The following KCTD16 variants were observed in gnomAD, a reference collection of about 807,000 sequenced individuals.
The protein encoded by KCTD16 is potassium channel tetramerization domain containing 16.
Under a neutral mutation model 33.2 loss-of-function variants are expected in KCTD16, and 13 were observed. The observed-to-expected ratio is 0.39, with a 90% CI of 0.25 to 0.62. The LOEUF (loss-of-function observed/expected upper bound fraction) is 0.62, where lower values mean the gene tolerates loss of function less well. Ranked by LOEUF, KCTD16 falls within the 20% of genes least tolerant of loss-of-function variation. KCTD16 has a pLI of 0.50. For synonymous variants in KCTD16, 197 were observed against 195.3 expected, an observed-to-expected ratio of 1.01 and a Z score of -0.07; for missense variants, 441 against 525.1, an observed-to-expected ratio of 0.84 and a Z score of 1.57.
intron 2 of KCTD16, among the ~76,000 whole-genome samples, chr5:144,179,400 C>T (rs1752572384): frequency 1.3e-5 from 2 of 152,202 alleles, no homozygotes; most frequent in African/African-American, 4.8e-5. Context: ...AGATACTGTA[C>T]ACCACAGGCC....
intron 3 of KCTD16, among the ~76,000 whole-genome samples, chr5:144,314,859 AAGACCTAAATC>A (rs752008587): frequency 1.6e-4 from 24 of 152,310 alleles, no homozygotes; most frequent in Middle Eastern, 6.8e-3. Flanking sequence ...GGCTAATAAA[AAGACCTAAATC>A]ACACATCTTT....
At chr5:144,330,324 A>C (rs1198020343) in intron 3 of KCTD16, among the ~76,000 whole-genome samples, 1 of 151,414 alleles carries the variant, frequency 6.6e-6, no homozygotes, top group African/African-American at 2.4e-5. Context: ...GATACAGGAG[A>C]ATTGCTTCAA....
At chr5:144,275,590 C>T (rs927960552) in intron 3 of KCTD16, among the ~76,000 whole-genome samples, 4 of 152,152 alleles carry the variant, frequency 2.6e-5, no homozygotes, top group Admixed American at 6.5e-5. Context: ...TTTGTGACAC[C>T]ACAGGGTCCT....
At chr5:144,287,218 T>A (rs1236965626) in intron 3 of KCTD16, among the ~76,000 whole-genome samples, 1 of 152,098 alleles carries the variant, frequency 6.6e-6, no homozygotes, top group Non-Finnish European at 1.5e-5. Flanking sequence ...AGTCTCTGAG[T>A]CAAAATTGGC....
chr5:144,411,195 A>G (rs1238041381), intron 3 of KCTD16, among the ~76,000 whole-genome samples: 1 of 152,214 alleles, frequency 6.6e-6, no homozygotes, highest in Non-Finnish European at 1.5e-5. Context: ...CTTAAAATTT[A>G]TATGGAACCA....
intron 3 of KCTD16, among the ~76,000 whole-genome samples, chr5:144,332,847 TCA>T (rs1752392064): frequency 6.6e-6 from 1 of 152,176 alleles, no homozygotes; most frequent in Non-Finnish European, 1.5e-5. Flanking sequence ...TTTAATGGAC[TCA>T]CAGTTCCACA....
In KCTD16 at chr5:144,482,078, T is replaced by A. The variant is rs954448071; in HGVS notation, c.*7964T>A. The A allele has an allele frequency of 6.6e-6, 1 of 151,910 alleles. No individual in the cohort carries two copies. Among genetic ancestry groups the A allele is most frequent in the Non-Finnish European group, 1.5e-5 (1 of 67,918 alleles). 9.4% of individuals were successfully genotyped at this position (151,910 alleles called of 1,614,324 possible). ...AGAGCCAGATTTTCCTCTGAGTTTA[T>A]TAGACTCTAAAGGCTGCTGGCTTAA... On this transcript the variant is annotated 3_prime_UTR_variant, in exon 4 of 4. Coordinates refer to ENST00000512467, the MANE Select transcript of KCTD16 (RefSeq NM_020768.4).
intron 3 of KCTD16, among the ~76,000 whole-genome samples, chr5:144,456,847 G>C (rs1308498894): frequency 6.7e-6 from 1 of 149,508 alleles, no homozygotes; most frequent in Non-Finnish European, 1.5e-5. Flanking sequence ...TATTTGAAAA[G>C]ATAGACACTT....
chr5:144,314,370 C>T (rs972749834), intron 3 of KCTD16, among the ~76,000 whole-genome samples: 1 of 152,114 alleles, frequency 6.6e-6, no homozygotes, highest in African/African-American at 2.4e-5. Context: ...AAAGCTCAGG[C>T]AGGGGAAATT....
intron 3 of KCTD16, among the ~76,000 whole-genome samples, chr5:144,310,192 A>T (rs1219037190): frequency 6.6e-6 from 1 of 152,044 alleles, no homozygotes; most frequent in African/African-American, 2.4e-5. Flanking sequence ...TAACATAATG[A>T]CCTCCAATTC....
intron 3 of KCTD16, among the ~76,000 whole-genome samples, chr5:144,214,730 A>C (rs1449839869): frequency 6.6e-6 from 1 of 152,168 alleles, no homozygotes; most frequent in African/African-American, 2.4e-5. Context: ...TTCCTAGTCC[A>C]CCATACCTGG....
chr5:144,251,610 C>G (rs1754702577), intron 3 of KCTD16, among the ~76,000 whole-genome samples: 1 of 152,128 alleles, frequency 6.6e-6, no homozygotes, highest in South Asian at 2.1e-4. Flanking sequence ...CATTTTAAAC[C>G]TACTCTTCAG....
At chr5:144,282,481 A>T (rs757785552) in intron 3 of KCTD16, among the ~76,000 whole-genome samples, 1 of 152,176 alleles carries the variant, frequency 6.6e-6, no homozygotes, top group Non-Finnish European at 1.5e-5. Context: ...CATATTAATC[A>T]TATCCAAGGA....
At chr5:144,289,005 ACT>A (rs1755823883) in intron 3 of KCTD16, among the ~76,000 whole-genome samples, 1 of 151,958 alleles carries the variant, frequency 6.6e-6, no homozygotes, top group African/African-American at 2.4e-5. Flanking sequence ...CAATAGTGAA[ACT>A]CTGTCTCAAA....
intron 3 of KCTD16, chr5:144,369,533 G>A (rs1188548110): frequency 2.0e-5 from 3 of 152,240 alleles, no homozygotes; most frequent in Admixed American, 2.0e-4. Context: ...CATGGAGACA[G>A]CTCCCTGACT....
intron 3 of KCTD16, among the ~76,000 whole-genome samples, chr5:144,381,055 T>A (rs1467193419): frequency 6.6e-6 from 1 of 152,098 alleles, no homozygotes; most frequent in African/African-American, 2.4e-5. Flanking sequence ...AAACTATGCA[T>A]CTGATAAAGG....
intron 3 of KCTD16, among the ~76,000 whole-genome samples, chr5:144,419,054 G>A (rs1042801877): frequency 5.3e-5 from 8 of 152,102 alleles, no homozygotes; most frequent in African/African-American, 1.9e-4. Context: ...CATTGTAGTT[G>A]GAGGAGTCTT....
At chr5:144,456,919 G>A (rs936846706) in intron 3 of KCTD16, among the ~76,000 whole-genome samples, 3 of 151,964 alleles carry the variant, frequency 2.0e-5, no homozygotes, top group Admixed American at 6.6e-5. Flanking sequence ...TTTTTATTCC[G>A]AAGTAGTATT....
At chr5:144,286,807 T>A (rs1323419777) in intron 3 of KCTD16, among the ~76,000 whole-genome samples, 1 of 152,202 alleles carries the variant, frequency 6.6e-6, no homozygotes, top group Non-Finnish European at 1.5e-5. Flanking sequence ...TTACTTAGCA[T>A]GGTTGGTGAG....
Sources: gnomAD v4.1 joint callset for allele counts (sites outside exome capture counted in the v4.1 genomes callset) on GRCh38, gnomAD v4.1.1 for gene constraint, MANE v1.5 for transcripts, NCBI Gene and HGNC (gene_info 2026-07-23, HGNC 2026-07-21) for gene names.